ZNF681: variants seen among roughly 807,000 people sequenced by gnomAD.
The protein encoded by ZNF681 is hypothetical protein FLJ31526.
In ZNF681, 37 loss-of-function variants were observed where a neutral mutation model predicts 56.0. That is an observed-to-expected ratio of 0.66 (90% CI 0.51 to 0.87). The LOEUF is 0.87. Ranked by LOEUF, ZNF681 falls within the 40% of genes least tolerant of loss-of-function variation. The pLI is 0.00. For synonymous variants in ZNF681, 225 were observed against 248.6 expected (o/e 0.91, Z 0.89); for missense variants, 741 against 744.9 (o/e 0.99, Z 0.06).
chr19:23,744,740 T>TGTA lies in ZNF681; in HGVS notation c.807_809dup (p.Thr271dup), dbSNP rs758114273. On this transcript the variant is annotated inframe_insertion, in exon 4 of 4. Transcript: ENST00000402377. ...CTCCAGTATGAATTATTGTATGTGT[T>TGTA]GTAATGTGTGACGACAGGTTAAAGG... 18 of 1,613,544 alleles carry TGTA rather than the reference T, an allele frequency of 1.1e-5. No homozygotes were observed. The African/African-American group carries it at 1.9e-4, about 17-fold the overall frequency.
intron 1 of ZNF681, 56 bp downstream of exon 1, chr19:23,758,691 T>G (rs1969164739): frequency 3.1e-6 from 5 of 1,613,762 alleles, no homozygotes; most frequent in African/African-American, 1.3e-5. Flanking sequence ...CGGCGAGGTC[T>G]GAGTCCCGCC....
rs746021710 is a variant in ZNF681 at position 23,744,873 on chromosome 19, T to C, written c.677A>G (p.Tyr226Cys). 1.2e-6 allele frequency: 2 copies of C among 1,612,960 alleles called. No individual in the cohort carries two copies. The highest frequency in any genetic ancestry group is 1.7e-5 in the Admixed American group (1 of 59,848). ...HKRIHIGEKS[Y>C]ICEECGKACN... is the part of the protein sequence containing the mutation. ...GGCTTTGCCACATTCTTCACATATGTACGATTTCTCTCCAATATGAATTCT... is the reference window on the plus strand; with the variant it reads ...GGCTTTGCCACATTCTTCACATATGCACGATTTCTCTCCAATATGAATTCT... Residue 226 changes from tyrosine to cysteine, a missense_variant, in exon 4 of 4, where the codon TAC becomes TGC. Tyr to Cys is a radical substitution (Grantham distance 194). Transcript: ENST00000402377.
At chr19:23,755,028 C>A in intron 2 of ZNF681, 110 bp from the exon 3 acceptor site, 3 of 719,704 alleles carry the variant, frequency 4.2e-6, no homozygotes, top group South Asian at 2.6e-5. Flanking sequence ...AAATCAATCC[C>A]AAAATACTGA....
chr19:23,749,397 TAA>T (rs955952258), intron 3 of ZNF681, among the ~76,000 whole-genome samples: 2 of 152,180 alleles, frequency 1.3e-5, no homozygotes, highest in Admixed American at 6.6e-5. Flanking sequence ...GTAAAATTTT[TAA>T]AAGTCTTTTG....
In ZNF681 at chr19:23,743,881, T is replaced by G. The variant is rs891921832; in HGVS notation, c.1669A>C (p.Thr557Pro). The G allele has an allele frequency of 4.4e-6, 7 of 1,601,038 alleles. No individual in the cohort carries two copies. In the African/African-American group the frequency reaches 8.1e-5, roughly 18 times the overall value. The change falls in exon 4 of 4, where the codon ACT becomes CCT. Residue 557 changes from threonine to proline, a missense_variant. Thr to Pro is a conservative substitution (Grantham distance 38). Coordinates refer to ENST00000402377, the MANE Select transcript of ZNF681 (RefSeq NM_138286.3). ...TCACATTGGTAGGGTTTCTCTCCAGTATGAATTACCTTATGTGTAGCAAGA... is the reference window on the plus strand; with the variant it reads ...TCACATTGGTAGGGTTTCTCTCCAGGATGAATTACCTTATGTGTAGCAAGA... Reference protein sequence around the residue: ...SHLATHKVIHTGEKPYQCEEC... With the variant: ...SHLATHKVIHPGEKPYQCEEC...
At chr19:23,746,160 C>T (rs563507065) in intron 3 of ZNF681, among the ~76,000 whole-genome samples, 1 of 151,952 alleles carries the variant, frequency 6.6e-6, no homozygotes, top group East Asian at 1.9e-4. Flanking sequence ...ACTTAAAATA[C>T]AAAATTAGCC....
At chr19:23,745,921 A>G (rs903667540) in intron 3 of ZNF681, among the ~76,000 whole-genome samples, 1 of 152,076 alleles carries the variant, frequency 6.6e-6, no homozygotes, top group African/African-American at 2.4e-5. Context: ...CCCAACATAG[A>G]TCTTTCTGCT....
chr19:23,741,813 T>A lies in ZNF681; in HGVS notation c.*1799A>T, dbSNP rs1249477765. On this transcript the variant is annotated 3_prime_UTR_variant, in exon 4 of 4. Transcript: ENST00000402377. ...GAATATTTCATTTACCCATATGTAA[T>A]TATTACATATTATATACCTGTATCA... The A allele has an allele frequency of 6.6e-6, 1 of 152,132 alleles. No individual in the cohort carries two copies. The highest frequency in any genetic ancestry group is 1.5e-5 in the Non-Finnish European group (1 of 68,026). The allele number at this position is 152,132 out of a possible 1,614,324, so 9.4% of individuals were successfully genotyped here.
intron 1 of ZNF681, among the ~76,000 whole-genome samples, chr19:23,757,626 G>T (rs1323859334): frequency 1.3e-5 from 2 of 151,994 alleles, no homozygotes; most frequent in East Asian, 3.9e-4. Context: ...CTGCTTTTGT[G>T]TTTCAGGAAT....
chr19:23,758,781 C>T lies in ZNF681; in HGVS notation c.-32G>A, dbSNP rs1319192812. 1 of 1,614,128 alleles carries T rather than the reference C, an allele frequency of 6.2e-7. No homozygotes were observed. Among genetic ancestry groups the T allele is most frequent in the Non-Finnish European group, 8.5e-7 (1 of 1,180,012 alleles). ...GTTTCCGGGGGACCTGGCGTCTTAGCTATGGATCGCCAATACCTGCAGGTC... is the reference window on the plus strand; with the variant it reads ...GTTTCCGGGGGACCTGGCGTCTTAGTTATGGATCGCCAATACCTGCAGGTC... On this transcript the variant is annotated 5_prime_UTR_variant, in exon 1 of 4. Coordinates refer to ENST00000402377, the MANE Select transcript of ZNF681 (RefSeq NM_138286.3).
At position 23,743,177 on chromosome 19, in the gene ZNF681, T is replaced by G. The variant is rs1223275916; in HGVS notation, c.*435A>C. On this transcript the variant is annotated 3_prime_UTR_variant, in exon 4 of 4. Coordinates refer to ENST00000402377, the MANE Select transcript of ZNF681 (RefSeq NM_138286.3). ...GGTTTTTCTCCAATATAAATTTCCT[T>G]ATGTTGCACAAAGTTTAAGCAACTG... 1.3e-5 allele frequency: 2 copies of G among 152,656 alleles called. No individual in the cohort carries two copies. The highest frequency in any genetic ancestry group is 2.9e-5 in the Non-Finnish European group (2 of 68,346). The allele number at this position is 152,656 out of a possible 1,614,324, so 9.5% of individuals were successfully genotyped here. A position where few individuals can be genotyped will look rare whatever the true frequency, so the allele number is the denominator to read the frequency against.
chr19:23,755,042 A>G, intron 2 of ZNF681, 124 bp from the exon 3 acceptor site: 1 of 642,824 alleles, frequency 1.6e-6, no homozygotes. Flanking sequence ...ATACTGATTT[A>G]TAAAAGAAAT....
At position 23,744,941 on chromosome 19, in the gene ZNF681, A is replaced by G; in HGVS notation, c.609T>C (p.Cys203=). The G allele has an allele frequency of 1.9e-6, 2 of 1,068,246 alleles. No individual in the cohort carries two copies. Among genetic ancestry groups the G allele is most frequent in the African/African-American group, 2.9e-5 (2 of 68,378 alleles). The allele number at this position is 1,068,246 out of a possible 1,614,324, so 66.2% of individuals were successfully genotyped here. ...TTGAGGATCCATTAAAGGCTTTTCCACAGTCTTCACATTTGTAGAAATTTA... is the reference window on the plus strand; with the variant it reads ...TTGAGGATCCATTAAAGGCTTTTCCGCAGTCTTCACATTTGTAGAAATTTA... ...TRVNFYKCED[C]GKAFNGSSIF... is the part of the protein sequence containing the mutation. Residue 203 remains cysteine (C), a synonymous_variant, in exon 4 of 4, where the codon TGT becomes TGC. Transcript: ENST00000402377.
rs1243695006 is a variant in ZNF681 at position 23,751,782 on chromosome 19, T to C, written c.226+3041A>G. On this transcript the variant is annotated intron_variant, in intron 3 of 3. Coordinates refer to ENST00000402377, the MANE Select transcript of ZNF681 (RefSeq NM_138286.3). Reference sequence around the variant, plus strand: ...CTCACTGCAACCTCTGCCTCCCGGGTTTATACCATTCTCTTGCCTCAGTCT... The same window carrying C: ...CTCACTGCAACCTCTGCCTCCCGGGCTTATACCATTCTCTTGCCTCAGTCT... Among the ~76,000 whole-genome samples the C allele has an allele frequency of 2.0e-5, 3 of 152,056 alleles. No individual in the cohort carries two copies. The East Asian group carries it at 5.8e-4, about 29-fold the overall frequency.
At position 23,758,787 on chromosome 19, in the gene ZNF681, A is replaced by C. The variant is rs1232164194; in HGVS notation, c.-38T>G. On this transcript the variant is annotated 5_prime_UTR_variant, in exon 1 of 4. Transcript: ENST00000402377. The stretch of plus-strand genomic sequence containing the variant: ...GGGGGACCTGGCGTCTTAGCTATGG[A>C]TCGCCAATACCTGCAGGTCAGAGGG... 4.3e-6 allele frequency: 7 copies of C among 1,614,140 alleles called. No homozygotes were observed. The highest frequency in any genetic ancestry group is 1.7e-5 in the Admixed American group (1 of 60,024).
At position 23,739,226 on chromosome 19, in the gene ZNF681, T is replaced by C. The variant is rs117805167; in HGVS notation, c.*4386A>G. ...TTTAAAATAAAAAAATTTATTATTT[T>C]CAATTACATAGATTAACCAAATTAT... On this transcript the variant is annotated 3_prime_UTR_variant, in exon 4 of 4. Transcript: ENST00000402377. 1 of 152,082 alleles carries C rather than the reference T, an allele frequency of 6.6e-6. No homozygotes were observed. Among genetic ancestry groups the C allele is most frequent in the Admixed American group, 6.6e-5 (1 of 15,260 alleles). 9.4% of individuals were successfully genotyped at this position (152,082 alleles called of 1,614,324 possible). A position where few individuals can be genotyped will look rare whatever the true frequency, so the allele number is the denominator to read the frequency against.
intron 3 of ZNF681, among the ~76,000 whole-genome samples, chr19:23,753,427 A>C (rs938258312): frequency 6.6e-6 from 1 of 152,426 alleles, no homozygotes; most frequent in East Asian, 1.9e-4. Context: ...CAATAGCATT[A>C]AAATAAATTT....
intron 1 of ZNF681, among the ~76,000 whole-genome samples, chr19:23,756,311 C>A (rs530474098): frequency 9.3e-4 from 82 of 87,906 alleles, no homozygotes; most frequent in Middle Eastern, 5.7e-3. Flanking sequence ...GGCGACAGAG[C>A]GACACTCTGT....
intron 1 of ZNF681, among the ~76,000 whole-genome samples, chr19:23,757,882 G>A (rs1270607867): frequency 6.6e-6 from 1 of 151,912 alleles, no homozygotes; most frequent in East Asian, 1.9e-4. Context: ...CTCAGAGTTT[G>A]TATAATTTTA....
Sources: allele counts gnomAD v4.1 joint callset (sites outside exome capture counted in the v4.1 genomes callset), GRCh38; gene constraint gnomAD v4.1.1; transcripts MANE v1.5; gene names NCBI Gene and HGNC (gene_info 2026-07-23, HGNC 2026-07-21).